The following CACNB2 variants were observed in gnomAD, a reference collection of about 807,000 sequenced individuals.
CACNB2 encodes the protein calcium voltage-gated channel auxiliary subunit beta 2.
A neutral mutation model predicts 73.3 loss-of-function variants in CACNB2; 42 were observed. That is an observed-to-expected ratio of 0.57 (90% CI 0.45 to 0.74). CACNB2 has a LOEUF of 0.74. Among genes scored for constraint, CACNB2 ranks in the 30% least tolerant of loss-of-function variants. The probability of loss-of-function intolerance (pLI) is 0.00; values close to 1 mark genes in which losing one functional copy is unlikely to be tolerated. For synonymous variants in CACNB2, 348 were observed against 310.3 expected, an observed-to-expected ratio of 1.12 and a Z score of -1.28; for missense variants, 940 against 853.0, an observed-to-expected ratio of 1.10 and a Z score of -1.27.
At chr10:18,526,778 C>G (rs1044284396) in intron 9 of CACNB2, among the ~76,000 whole-genome samples, 2 of 152,156 alleles carry the variant, frequency 1.3e-5, no homozygotes, top group Admixed American at 6.5e-5. Context: ...TTTATCTCTG[C>G]CACTAGACCA....
At chr10:18,386,424 A>G (rs1170562391) in intron 2 of CACNB2, among the ~76,000 whole-genome samples, 2 of 69,542 alleles carry the variant, frequency 2.9e-5, no homozygotes, top group African/African-American at 9.8e-5. Flanking sequence ...TTTTTTTGAG[A>G]CGGAGTCTCA....
intron 9 of CACNB2, among the ~76,000 whole-genome samples, chr10:18,525,046 A>C (rs1011689207): frequency 8.7e-5 from 13 of 149,744 alleles, no homozygotes; most frequent in African/African-American, 1.8e-4. Flanking sequence ...AAAAAAAAAA[A>C]AAACACATTA....
At position 18,539,330 on chromosome 10, in the gene CACNB2, A is replaced by G; in HGVS notation, c.1589A>G (p.His530Arg). 1.2e-6 allele frequency: 2 copies of G among 1,613,908 alleles called. No individual in the cohort carries two copies. Among genetic ancestry groups the G allele is most frequent in the Non-Finnish European group, 1.7e-6 (2 of 1,179,972 alleles). ...PSVEPVKKSQHRSSSSAPHHN... is the reference protein window; with the variant it reads ...PSVEPVKKSQRRSSSSAPHHN... ...GTGGAACCAGTCAAGAAATCCCAGC[A>G]CCGCTCTTCCTCCTCAGCCCCACAC... Residue 530 changes from histidine to arginine, a missense_variant, in exon 14 of 14, where the codon CAC becomes CGC. By Grantham distance (29) the His-to-Arg change is conservative. Coordinates refer to ENST00000324631, the MANE Select transcript of CACNB2 (RefSeq NM_201596.3).
chr10:18,481,766 G>A (rs191468798), intron 3 of CACNB2, among the ~76,000 whole-genome samples: 1 of 152,250 alleles, frequency 6.6e-6, no homozygotes, highest in East Asian at 1.9e-4. Flanking sequence ...AGTATCTGCT[G>A]TCTGGAGAGC....
At chr10:18,148,770 G>T (rs2131018982) in intron 1 of CACNB2, among the ~76,000 whole-genome samples, 1 of 152,254 alleles carries the variant, frequency 6.6e-6, no homozygotes, top group Admixed American at 6.5e-5. Flanking sequence ...TGGGGCGGGA[G>T]AATTGCTTAA....
chr10:18,318,880 C>T (rs990564890), intron 2 of CACNB2, among the ~76,000 whole-genome samples: 4 of 152,106 alleles, frequency 2.6e-5, no homozygotes, highest in Non-Finnish European at 5.9e-5. Context: ...CAAACAAATG[C>T]AAATCAAAAC....
chr10:18,327,126 A>T (rs530055607), intron 2 of CACNB2, among the ~76,000 whole-genome samples: 12 of 152,096 alleles, frequency 7.9e-5, no homozygotes, highest in Non-Finnish European at 1.3e-4. Flanking sequence ...ATCCTAGAAC[A>T]TTCCAGATTG....
chr10:18,407,410 C>T (rs1340637816), intron 3 of CACNB2, among the ~76,000 whole-genome samples: 1 of 151,920 alleles, frequency 6.6e-6, no homozygotes, highest in East Asian at 1.9e-4. Context: ...ATGTGGCCCA[C>T]CATGCCCGGC....
At chr10:18,428,467 A>T (rs565766383) in intron 3 of CACNB2, among the ~76,000 whole-genome samples, 2 of 152,128 alleles carry the variant, frequency 1.3e-5, no homozygotes, top group Non-Finnish European at 2.9e-5. Flanking sequence ...CGGGCAGATC[A>T]CTTGAGGCCT....
intron 2 of CACNB2, among the ~76,000 whole-genome samples, chr10:18,352,205 T>A (rs952299271): frequency 6.6e-6 from 1 of 152,252 alleles, no homozygotes; most frequent in African/African-American, 2.4e-5. Context: ...ATTCTGATAA[T>A]CCTGTTACCT....
At chr10:18,233,821 A>G (rs572851276) in intron 2 of CACNB2, among the ~76,000 whole-genome samples, 85 of 152,302 alleles carry the variant, frequency 5.6e-4, no homozygotes, top group Non-Finnish European at 7.2e-4. Flanking sequence ...CCAAGAGCTT[A>G]TTTATCAACA....
At chr10:18,325,091 T>C (rs913427698) in intron 2 of CACNB2, among the ~76,000 whole-genome samples, 3 of 152,252 alleles carry the variant, frequency 2.0e-5, no homozygotes, top group African/African-American at 7.2e-5. Context: ...CAGTGTGAAC[T>C]GGGTCCCCCA....
intron 3 of CACNB2, among the ~76,000 whole-genome samples, chr10:18,467,797 T>C (rs1348811530): frequency 4.6e-5 from 7 of 152,102 alleles, no homozygotes; most frequent in African/African-American, 1.4e-4. Context: ...ACCCCAACTT[T>C]GCAAAACTTC....
At chr10:18,494,896 A>G (rs2049695417) in intron 3 of CACNB2, among the ~76,000 whole-genome samples, 1 of 152,128 alleles carries the variant, frequency 6.6e-6, no homozygotes, top group Non-Finnish European at 1.5e-5. Context: ...CCCTGTCTCT[A>G]CAAAGTTTTT....
At chr10:18,479,613 G>A (rs1179127249) in intron 3 of CACNB2, among the ~76,000 whole-genome samples, 5 of 152,142 alleles carry the variant, frequency 3.3e-5, no homozygotes, top group Non-Finnish European at 7.3e-5. Context: ...ATTGGATCAT[G>A]GGGGTGGATT....
At chr10:18,232,998 G>T (rs2036280701) in intron 2 of CACNB2, among the ~76,000 whole-genome samples, 1 of 152,172 alleles carries the variant, frequency 6.6e-6, no homozygotes, top group South Asian at 2.1e-4. Flanking sequence ...GAAGCGGGAG[G>T]ATCTCGAGCT....
At chr10:18,527,555 C>A (rs2052603086) in intron 9 of CACNB2, 33 bp from the exon 10 acceptor site, 1 of 1,412,610 alleles carries the variant, frequency 7.1e-7, no homozygotes, top group Non-Finnish European at 1.0e-6. Flanking sequence ...GACCAATAAC[C>A]TTAAGGTCTT....
At chr10:18,423,675 A>G (rs1209477240) in intron 3 of CACNB2, among the ~76,000 whole-genome samples, 2 of 152,220 alleles carry the variant, frequency 1.3e-5, no homozygotes, top group African/African-American at 4.8e-5. Context: ...TTTTGGGAAT[A>G]ATTAGGGAAG....
chr10:18,391,561 G>A (rs1158716503), intron 2 of CACNB2, among the ~76,000 whole-genome samples: 4 of 151,982 alleles, frequency 2.6e-5, no homozygotes, highest in Non-Finnish European at 4.4e-5. Context: ...ATCCATCCTC[G>A]TGGGTGTTAT....
Sources: allele counts gnomAD v4.1 joint callset (sites outside exome capture counted in the v4.1 genomes callset), GRCh38; gene constraint gnomAD v4.1.1; transcripts MANE v1.5; gene names NCBI Gene and HGNC (gene_info 2026-07-23, HGNC 2026-07-21).